The following GOLPH3 variants were observed in gnomAD, a reference collection of about 807,000 sequenced individuals.
GOLPH3 encodes the protein golgi phosphoprotein 3.
Under a neutral mutation model 28.5 loss-of-function variants are expected in GOLPH3, and 14 were observed. The ratio of observed to expected loss-of-function variants is 0.49; its 90% CI spans 0.32 to 0.77. The LOEUF is 0.77. Among genes scored for constraint, GOLPH3 ranks in the 30% least tolerant of loss-of-function variants. The pLI is 0.03. For synonymous variants in GOLPH3, 158 were observed against 159.2 expected (o/e 0.99, Z 0.06); for missense variants, 350 against 393.7 (o/e 0.89, Z 0.94).
At chr5:32,168,974 A>G (rs1746773075) in intron 1 of GOLPH3, among the ~76,000 whole-genome samples, 1 of 150,944 alleles carries the variant, frequency 6.6e-6, no homozygotes, top group African/African-American at 2.4e-5. Flanking sequence ...AAACCAAAAA[A>G]CACAACAACA....
At chr5:32,142,417 C>T (rs1160507029) in intron 2 of GOLPH3, among the ~76,000 whole-genome samples, 3 of 151,254 alleles carry the variant, frequency 2.0e-5, no homozygotes, top group Non-Finnish European at 4.4e-5. Context: ...GCAGCCACCC[C>T]GTCCGGGAAG....
intron 1 of GOLPH3, among the ~76,000 whole-genome samples, chr5:32,167,192 A>G (rs1746734379): frequency 6.6e-6 from 1 of 152,198 alleles, no homozygotes; most frequent in African/African-American, 2.4e-5. Context: ...GTCTTTTGAG[A>G]TGGAGTTCCA....
chr5:32,129,995 C>T (rs536893695), intron 3 of GOLPH3, among the ~76,000 whole-genome samples: 1 of 152,274 alleles, frequency 6.6e-6, no homozygotes, highest in Non-Finnish European at 1.5e-5. Context: ...GCACCTGCCA[C>T]CATGCCCAGC....
At chr5:32,164,719 C>T (rs1220980114) in intron 1 of GOLPH3, among the ~76,000 whole-genome samples, 2 of 151,868 alleles carry the variant, frequency 1.3e-5, no homozygotes, top group Non-Finnish European at 1.5e-5. Flanking sequence ...TTCACTACCA[C>T]GCCCAGAACC....
chr5:32,137,823 A>G (rs1745968709), intron 2 of GOLPH3, among the ~76,000 whole-genome samples: 1 of 152,176 alleles, frequency 6.6e-6, no homozygotes, highest in South Asian at 2.1e-4. Flanking sequence ...AAAATTCCAT[A>G]ATATCAAAAT....
intron 2 of GOLPH3, among the ~76,000 whole-genome samples, chr5:32,138,109 G>A (rs1013325948): frequency 8.3e-4 from 126 of 151,836 alleles, no homozygotes; most frequent in African/African-American, 2.9e-3. Flanking sequence ...TCATCAAGTT[G>A]GGCAGGCTGG....
intron 2 of GOLPH3, among the ~76,000 whole-genome samples, chr5:32,137,466 C>T (rs1320919180): frequency 6.6e-6 from 1 of 151,796 alleles, no homozygotes; most frequent in African/African-American, 2.4e-5. Flanking sequence ...TGAGACCAGC[C>T]TGGCCAACAT....
intron 1 of GOLPH3, among the ~76,000 whole-genome samples, chr5:32,150,548 C>G (rs1270884606): frequency 6.6e-6 from 1 of 151,628 alleles, no homozygotes; most frequent in African/African-American, 2.4e-5. Context: ...TGATGTCACA[C>G]TGGCACATGA....
At chr5:32,153,952 G>C (rs1488619979) in intron 1 of GOLPH3, among the ~76,000 whole-genome samples, 2 of 152,222 alleles carry the variant, frequency 1.3e-5, no homozygotes, top group African/African-American at 4.8e-5. Flanking sequence ...AACAGGAAAT[G>C]TACGAGTTGA....
At chr5:32,137,154 T>TA (rs1561661242) in intron 2 of GOLPH3, among the ~76,000 whole-genome samples, 55 of 151,274 alleles carry the variant, frequency 3.6e-4, no homozygotes. Flanking sequence ...AGATGGGGTT[T>TA]CTCCATGTTG....
Position 32,126,225 on chromosome 5 carries a change from G to A in GOLPH3, c.884C>T (p.Ala295Val), listed in dbSNP as rs770704984. The A allele has an allele frequency of 1.3e-4, 213 of 1,609,128 alleles. No homozygotes were observed. The highest frequency in any genetic ancestry group is 1.7e-4 in the Non-Finnish European group (202 of 1,175,900). The change falls in exon 4 of 4, where the codon GCG (alanine) becomes GTG (valine). Residue 295 changes from alanine (A) to valine (V), a missense_variant. Ala to Val is a moderately conservative substitution (Grantham distance 64, BLOSUM62 0). Coordinates refer to ENST00000265070, the MANE Select transcript of GOLPH3 (RefSeq NM_022130.4). ...CCCCGAGCAGAGTTACTTGGTGAAC[G>A]CCGCCACCACCGCCCACAGAACCTC... ...TNEVLWAVVA[A>V]FTK
chr5:32,173,739 C>T, intron 1 of GOLPH3, 71 bp downstream of exon 1: 1 of 1,128,008 alleles, frequency 8.9e-7, no homozygotes, highest in East Asian at 3.4e-5. Flanking sequence ...GCTCACCTGG[C>T]ACCTACCTGG....
At chr5:32,173,723 T>C in intron 1 of GOLPH3, 87 bp downstream of exon 1, 1 of 978,400 alleles carries the variant, frequency 1.0e-6, no homozygotes, top group Non-Finnish European at 1.3e-6. Flanking sequence ...GCCGGAAGCC[T>C]CGGGCGCTCA....
chr5:32,165,367 G>A (rs1176439988), intron 1 of GOLPH3, among the ~76,000 whole-genome samples: 2 of 152,158 alleles, frequency 1.3e-5, no homozygotes, highest in Non-Finnish European at 2.9e-5. Context: ...TGGATCACAT[G>A]AGGTCATGAG....
intron 2 of GOLPH3, among the ~76,000 whole-genome samples, chr5:32,137,909 G>GTTTTT (rs397997289): frequency 1.4e-5 from 2 of 143,138 alleles, no homozygotes; most frequent in Admixed American, 7.0e-5. Context: ...GGTTTTTTTT[G>GTTTTT]TTTTTTTTTT....
chr5:32,162,584 T>C (rs1459832081), intron 1 of GOLPH3, among the ~76,000 whole-genome samples: 2 of 152,196 alleles, frequency 1.3e-5, no homozygotes, highest in Non-Finnish European at 2.9e-5. Flanking sequence ...GCATATAAAG[T>C]GCAAGAGAAT....
chr5:32,163,266 C>A (rs1336370058), intron 1 of GOLPH3, among the ~76,000 whole-genome samples: 1 of 152,210 alleles, frequency 6.6e-6, no homozygotes, highest in African/African-American at 2.4e-5. Context: ...AACACATACT[C>A]CCATAAAAGT....
At chr5:32,128,373 A>G (rs1745730729) in intron 3 of GOLPH3, among the ~76,000 whole-genome samples, 1 of 152,188 alleles carries the variant, frequency 6.6e-6, no homozygotes, top group Non-Finnish European at 1.5e-5. Flanking sequence ...AAAGATTAAA[A>G]GCGGCCAGGC....
intron 1 of GOLPH3, among the ~76,000 whole-genome samples, chr5:32,161,066 C>CAAAAAAAAA (rs34874287): frequency 1.7e-5 from 1 of 60,054 alleles, no homozygotes; most frequent in Non-Finnish European, 2.7e-5. Flanking sequence ...GACTCCGTCT[C>CAAAAAAAAA]AAAAAAAAAA....
Sources: gnomAD v4.1 joint callset for allele counts (sites outside exome capture counted in the v4.1 genomes callset) on GRCh38, gnomAD v4.1.1 for gene constraint, MANE v1.5 for transcripts, NCBI Gene and HGNC (gene_info 2026-07-23, HGNC 2026-07-21) for gene names.